Variants in ATXN7L1 observed in about 807,000 individuals in gnomAD.
ATXN7L1 encodes the protein ataxin 7 like 1, also known as ataxin-7-like protein 1.
ATXN7L1 carries 15 observed loss-of-function variants against 70.8 expected under a neutral mutation model. The ratio of observed to expected loss-of-function variants is 0.21; its 90% CI spans 0.14 to 0.33. The LOEUF is 0.33. Ranked by LOEUF, ATXN7L1 falls within the 10% of genes least tolerant of loss-of-function variation. ATXN7L1 has a pLI of 1.00. For missense variants in ATXN7L1, 975 were observed against 1,097.1 expected, an observed-to-expected ratio of 0.89 and a Z score of 1.57; for synonymous variants, 440 against 445.1, an observed-to-expected ratio of 0.99 and a Z score of 0.14.
chr7:105,695,419 G>C (rs568440977), intron 3 of ATXN7L1, among the ~76,000 whole-genome samples: 1 of 152,176 alleles, frequency 6.6e-6, no homozygotes, highest in Non-Finnish European at 1.5e-5. Context: ...TCCACAGTGT[G>C]GGGGGAGCTT....
chr7:105,727,372 G>A (rs750059162), intron 3 of ATXN7L1, among the ~76,000 whole-genome samples: 1 of 151,908 alleles, frequency 6.6e-6, no homozygotes, highest in Non-Finnish European at 1.5e-5. Context: ...CGTTTATGTT[G>A]AAAAACACAC....
chr7:105,747,448 G>A (rs1169074126), intron 3 of ATXN7L1, among the ~76,000 whole-genome samples: 1 of 152,158 alleles, frequency 6.6e-6, no homozygotes, highest in Non-Finnish European at 1.5e-5. Flanking sequence ...CTTGTACTCG[G>A]GACCCTCCCA....
intron 3 of ATXN7L1, 64 bp downstream of exon 3, chr7:105,788,540 G>A (rs1257615810): frequency 6.0e-6 from 8 of 1,344,000 alleles, no homozygotes; most frequent in Non-Finnish European, 8.6e-6. Context: ...GGGAGCCCAG[G>A]GGAAGGCGAC....
intron 4 of ATXN7L1, among the ~76,000 whole-genome samples, chr7:105,662,382 G>A (rs923655360): frequency 1.3e-5 from 2 of 152,168 alleles, no homozygotes; most frequent in Non-Finnish European, 2.9e-5. Flanking sequence ...GATTACAGAT[G>A]TGAGCCACTG....
At chr7:105,770,608 G>C (rs1006519585) in intron 3 of ATXN7L1, among the ~76,000 whole-genome samples, 1 of 152,148 alleles carries the variant, frequency 6.6e-6, no homozygotes, top group Non-Finnish European at 1.5e-5. Flanking sequence ...AATGGGGGTG[G>C]AGGTGGAGGG....
At chr7:105,694,042 A>T (rs1448853784) in intron 3 of ATXN7L1, among the ~76,000 whole-genome samples, 1 of 146,712 alleles carries the variant, frequency 6.8e-6, no homozygotes, top group Admixed American at 6.9e-5. Context: ...CCTGAGGGAG[A>T]AGTGAGCCTT....
At chr7:105,735,708 G>C (rs1462537944) in intron 3 of ATXN7L1, among the ~76,000 whole-genome samples, 1 of 152,084 alleles carries the variant, frequency 6.6e-6, no homozygotes, top group Non-Finnish European at 1.5e-5. Context: ...CCAGACATTA[G>C]ACCATTTCAG....
At chr7:105,800,543 C>T (rs1446462923) in intron 2 of ATXN7L1, among the ~76,000 whole-genome samples, 1 of 152,202 alleles carries the variant, frequency 6.6e-6, no homozygotes, top group Non-Finnish European at 1.5e-5. Flanking sequence ...GTTTTATATA[C>T]AGACTCAGAC....
At chr7:105,639,431 A>G (rs1483845044) in intron 6 of ATXN7L1, 56 bp downstream of exon 6, 2 of 1,407,910 alleles carry the variant, frequency 1.4e-6, no homozygotes, top group Middle Eastern at 3.5e-4. Flanking sequence ...GCATGCAAAC[A>G]TTTCGACAAA....
intron 4 of ATXN7L1, among the ~76,000 whole-genome samples, chr7:105,651,093 T>C (rs1275711617): frequency 6.6e-6 from 1 of 152,106 alleles, no homozygotes; most frequent in Non-Finnish European, 1.5e-5. Context: ...TTATCAGGAC[T>C]CTAAGAATGA....
rs933549477 is a variant in ATXN7L1 at position 105,843,639 on chromosome 7, C to T, written c.250+32173G>A. On this transcript the variant is annotated intron_variant, in intron 2 of 11. Transcript: ENST00000419735. The stretch of plus-strand genomic sequence containing the variant: ...TTTTGGAAAACGGGCCACTGGCCAC[C>T]ACTGTGAGGGGTGGTTACCCTAGGC... Among the ~76,000 whole-genome samples the T allele has an allele frequency of 2.9e-4, 44 of 152,230 alleles. 1 individual carries two copies. Among genetic ancestry groups the T allele is most frequent in the African/African-American group, 1.1e-3 (44 of 41,460 alleles).
intron 3 of ATXN7L1, among the ~76,000 whole-genome samples, chr7:105,753,044 C>G (rs1799390301): frequency 6.6e-6 from 1 of 152,238 alleles, no homozygotes; most frequent in Admixed American, 6.5e-5. Flanking sequence ...GATTGTAACA[C>G]AGCCAAGTGG....
chr7:105,865,494 C>T (rs781137203), intron 2 of ATXN7L1, among the ~76,000 whole-genome samples: 9 of 151,970 alleles, frequency 5.9e-5, no homozygotes, highest in Non-Finnish European at 1.3e-4. Flanking sequence ...CTCCGCCTCC[C>T]GGGTTCAAGT....
intron 2 of ATXN7L1, among the ~76,000 whole-genome samples, chr7:105,853,911 C>T (rs998098889): frequency 6.6e-6 from 1 of 152,182 alleles, no homozygotes; most frequent in Non-Finnish European, 1.5e-5. Flanking sequence ...TTCCCACAAG[C>T]GCTTGATGCA....
chr7:105,834,793 C>T (rs1812124380), intron 2 of ATXN7L1, among the ~76,000 whole-genome samples: 2 of 152,284 alleles, frequency 1.3e-5, no homozygotes, highest in Middle Eastern at 3.4e-3. Flanking sequence ...TCCTGCCACA[C>T]TGCTGAGAAC....
At chr7:105,837,198 C>G (rs1380375648) in intron 2 of ATXN7L1, among the ~76,000 whole-genome samples, 2 of 152,126 alleles carry the variant, frequency 1.3e-5, no homozygotes, top group African/African-American at 4.8e-5. Flanking sequence ...CCCCATGACA[C>G]AAATACCTCC....
chr7:105,771,123 C>T (rs1443962031), intron 3 of ATXN7L1, among the ~76,000 whole-genome samples: 2 of 151,558 alleles, frequency 1.3e-5, no homozygotes, highest in Non-Finnish European at 2.9e-5. Flanking sequence ...TTGCTTGAAG[C>T]CAGGAGGCAG....
chr7:105,678,049 A>AGGGTGTGG (rs1804974779), intron 3 of ATXN7L1: 1 of 965,386 alleles, frequency 1.0e-6, no homozygotes, highest in African/African-American at 1.8e-5. Flanking sequence ...GTCTTGAAGT[A>AGGGTGTGG]GGGTGTGGTT....
chr7:105,768,135 G>A (rs1801525124), intron 3 of ATXN7L1, among the ~76,000 whole-genome samples: 1 of 152,166 alleles, frequency 6.6e-6, no homozygotes, highest in African/African-American at 2.4e-5. Flanking sequence ...ACCAACTGAT[G>A]TTCCCTGCCT....
Sources: allele counts gnomAD v4.1 joint callset (sites outside exome capture counted in the v4.1 genomes callset), GRCh38; gene constraint gnomAD v4.1.1; transcripts MANE v1.5; gene names NCBI Gene and HGNC (gene_info 2026-07-23, HGNC 2026-07-21).